ENTREP2: variants seen among roughly 807,000 people sequenced by gnomAD.
ENTREP2 encodes the protein protein ENTREP2.
the ENTREP2 span, among the ~76,000 whole-genome samples, chr15:29,430,093 T>C: frequency 1.3e-5 from 2 of 152,160 alleles, no homozygotes; most frequent in Non-Finnish European, 2.9e-5. Context: ...AACCTGGGAA[T>C]GGAGGAAGCG....
the ENTREP2 span, among the ~76,000 whole-genome samples, chr15:29,457,252 C>T: frequency 1.4e-4 from 22 of 152,378 alleles, no homozygotes; most frequent in Non-Finnish European, 2.9e-4. Context: ...GTCCCTGCCC[C>T]TGCCATCACT....
chr15:29,488,148 TA>T, the ENTREP2 span, among the ~76,000 whole-genome samples: 1 of 152,000 alleles, frequency 6.6e-6, no homozygotes, highest in Non-Finnish European at 1.5e-5. Context: ...CTAAATGACT[TA>T]AAGGAAAGAA....
At chr15:29,491,927 T>C in the ENTREP2 span, among the ~76,000 whole-genome samples, 2 of 152,224 alleles carry the variant, frequency 1.3e-5, no homozygotes, top group Non-Finnish European at 2.9e-5. Context: ...ACTATTTCCA[T>C]CAGCTAGACC....
the ENTREP2 span, among the ~76,000 whole-genome samples, chr15:29,394,723 C>T: frequency 3.3e-5 from 5 of 151,932 alleles, no homozygotes; most frequent in East Asian, 1.9e-4. Flanking sequence ...TAATTTACAC[C>T]GATTCCCCAT....
chr15:29,459,689 C>T, the ENTREP2 span, among the ~76,000 whole-genome samples: 1 of 152,160 alleles, frequency 6.6e-6, no homozygotes, highest in Admixed American at 6.5e-5. Context: ...AGTGCCTTGG[C>T]CTTCTCCTGT....
At chr15:29,293,430 T>G in the ENTREP2 span, among the ~76,000 whole-genome samples, 3 of 151,470 alleles carry the variant, frequency 2.0e-5, no homozygotes, top group Non-Finnish European at 3.0e-5. Flanking sequence ...TGTATTTTTT[T>G]TTTTTTTAGT....
At chr15:29,549,506 G>A in the ENTREP2 span, among the ~76,000 whole-genome samples, 1 of 152,064 alleles carries the variant, frequency 6.6e-6, no homozygotes, top group Non-Finnish European at 1.5e-5. Context: ...TCCTGACCTC[G>A]TGATCCGCCC....
At chr15:29,279,935 G>A in the ENTREP2 span, among the ~76,000 whole-genome samples, 1 of 151,012 alleles carries the variant, frequency 6.6e-6, no homozygotes, top group South Asian at 2.1e-4. Flanking sequence ...TCTTTTGCTC[G>A]CCTGGAAAAA....
chr15:29,661,198 T>A, the ENTREP2 span, among the ~76,000 whole-genome samples: 2,350 of 152,222 alleles, frequency 0.015, 60 homozygotes, highest in African/African-American at 0.054. Flanking sequence ...ATTTTTTTGT[T>A]TGTTTGTTTT....
At chr15:29,674,467 A>G in the ENTREP2 span, among the ~76,000 whole-genome samples, 2 of 151,828 alleles carry the variant, frequency 1.3e-5, no homozygotes, top group African/African-American at 4.8e-5. Flanking sequence ...ACGGGGTTTC[A>G]CCATGTTGGC....
At chr15:29,598,595 G>T in the ENTREP2 span, among the ~76,000 whole-genome samples, 1 of 152,184 alleles carries the variant, frequency 6.6e-6, no homozygotes, top group Non-Finnish European at 1.5e-5. Context: ...GATTATATCT[G>T]TTTTAAAATT....
chr15:29,202,735 G>A, the ENTREP2 span, among the ~76,000 whole-genome samples: 2 of 152,094 alleles, frequency 1.3e-5, no homozygotes, highest in African/African-American at 4.8e-5. Context: ...AACATGCAGT[G>A]TTTGGTTTTC....
At chr15:29,657,475 T>TGCGGGGGCAGGGCGGGGCGGGGGGGG in the ENTREP2 span, among the ~76,000 whole-genome samples, 2 of 3,804 alleles carry the variant, frequency 5.3e-4, no homozygotes, top group Non-Finnish European at 1.1e-3. Flanking sequence ...CGCTGTCGGC[T>TGCGGGGGCAGGGCGGGGCGGGGGGGG]GGGGGGGCGG....
At chr15:29,466,045 G>A in the ENTREP2 span, among the ~76,000 whole-genome samples, 1 of 152,176 alleles carries the variant, frequency 6.6e-6, no homozygotes, top group African/African-American at 2.4e-5. Context: ...TGTACCAGGT[G>A]CTGTTCTCTG....
chr15:29,293,636 G>A, the ENTREP2 span, among the ~76,000 whole-genome samples: 1 of 152,190 alleles, frequency 6.6e-6, no homozygotes, highest in African/African-American at 2.4e-5. Flanking sequence ...CCCAGAAGCA[G>A]GTGTGAGCTG....
chr15:29,129,368 A>G, the ENTREP2 span, among the ~76,000 whole-genome samples: 24 of 152,178 alleles, frequency 1.6e-4, no homozygotes, highest in South Asian at 2.1e-4. Context: ...CCCTGGCCGA[A>G]AGCCTATTTT....
the ENTREP2 span, among the ~76,000 whole-genome samples, chr15:29,637,746 G>A: frequency 6.6e-6 from 1 of 152,196 alleles, no homozygotes; most frequent in Non-Finnish European, 1.5e-5. Context: ...TCTATTACGG[G>A]AACGAGACCT....
At chr15:29,142,183 G>A in the ENTREP2 span, among the ~76,000 whole-genome samples, 3 of 152,188 alleles carry the variant, frequency 2.0e-5, no homozygotes, top group Admixed American at 6.5e-5. Flanking sequence ...TAGAGGAACT[G>A]AATCTGAAAA....
the ENTREP2 span, among the ~76,000 whole-genome samples, chr15:29,512,460 C>A: frequency 1.3e-5 from 2 of 152,180 alleles, no homozygotes; most frequent in Admixed American, 6.5e-5. Context: ...CTGCTATGGA[C>A]TGAACTGCGT....
Sources: allele counts gnomAD v4.1 joint callset (sites outside exome capture counted in the v4.1 genomes callset), GRCh38; gene constraint gnomAD v4.1.1; transcripts MANE v1.5; gene names NCBI Gene and HGNC (gene_info 2026-07-23, HGNC 2026-07-21).